Variants in KCNT2 observed in about 807,000 individuals in gnomAD.
KCNT2 encodes the protein potassium sodium-activated channel subfamily T member 2.
A neutral mutation model predicts 153.8 loss-of-function variants in KCNT2; 67 were observed. That is an observed-to-expected ratio of 0.44 (90% CI 0.36 to 0.53). The LOEUF (loss-of-function observed/expected upper bound fraction) is 0.53, where lower values mean the gene tolerates loss of function less well. KCNT2 is among the 20% of genes least tolerant of loss of function. The pLI is 0.00. For missense variants in KCNT2, 975 were observed against 1,354.8 expected (o/e 0.72, Z 4.40); for synonymous variants, 500 against 458.8 (o/e 1.09, Z -1.15).
chr1:196,510,772 G>A (rs1185396399), intron 1 of KCNT2, among the ~76,000 whole-genome samples: 1 of 152,152 alleles, frequency 6.6e-6, no homozygotes, highest in Non-Finnish European at 1.5e-5. Context: ...GCTGCAAATA[G>A]CCACCTTGTG....
chr1:196,439,837 T>C (rs1314401812), intron 8 of KCNT2, among the ~76,000 whole-genome samples: 3 of 151,894 alleles, frequency 2.0e-5, no homozygotes, highest in African/African-American at 7.2e-5. Context: ...TTAAAAGATA[T>C]ATAATAACAC....
chr1:196,496,840 C>A (rs114687113), intron 1 of KCNT2, among the ~76,000 whole-genome samples: 1 of 152,112 alleles, frequency 6.6e-6, no homozygotes, highest in Admixed American at 6.5e-5. Context: ...CTAACTTGCA[C>A]GTTTGGCATA....
chr1:196,601,571 C>T (rs960748584), intron 1 of KCNT2, among the ~76,000 whole-genome samples: 2 of 152,138 alleles, frequency 1.3e-5, no homozygotes, highest in East Asian at 3.8e-4. Flanking sequence ...ACCAATATAT[C>T]CACAACTGTC....
rs546935692 is a variant in KCNT2 at position 196,367,354 on chromosome 1, G to A, written c.1403+5786C>T. ...CAATGACCTTCGTGGTACTTCACAT[G>A]TAAAACTTAGGTGATCTCAGTTATT... On this transcript the variant is annotated intron_variant, in intron 14 of 27. Coordinates refer to ENST00000294725, the MANE Select transcript of KCNT2 (RefSeq NM_198503.5). Among the ~76,000 whole-genome samples, 43 of 152,150 alleles carry A rather than the reference G, an allele frequency of 2.8e-4. 1 individual carries two copies. The highest frequency in any genetic ancestry group is 6.8e-3 in the Middle Eastern group (2 of 294).
chr1:196,318,202 C>T (rs1257165504), intron 20 of KCNT2, among the ~76,000 whole-genome samples: 6 of 151,656 alleles, frequency 4.0e-5, no homozygotes, highest in African/African-American at 1.4e-4. Flanking sequence ...CTCTAAGACC[C>T]CTTTTTGCAA....
chr1:196,448,919 C>A (rs1209802637), intron 8 of KCNT2, among the ~76,000 whole-genome samples: 1 of 151,560 alleles, frequency 6.6e-6, no homozygotes, highest in Non-Finnish European at 1.5e-5. Context: ...AATATTTCCC[C>A]TAAATTGTGG....
In KCNT2 at chr1:196,280,867, G is replaced by A. The variant is rs757556466; in HGVS notation, c.2903C>T (p.Thr968Ile). Residue 968 changes from threonine to isoleucine, a missense_variant, in exon 25 of 28, where the codon ACA (threonine) becomes ATA (isoleucine). Coordinates refer to ENST00000294725, the MANE Select transcript of KCNT2 (RefSeq NM_198503.5). ...ATTTTGTTATTTCCAAACCTCAGAT[G>A]TAGTAAGTTTCTGAGACTCAGTCCT... Reference protein sequence around the residue: ...IYRTESQKLTTSESQISISVE... With the variant: ...IYRTESQKLTISESQISISVE... 3 of 1,611,368 alleles carry A rather than the reference G, an allele frequency of 1.9e-6. No homozygotes were observed. The highest frequency in any genetic ancestry group is 1.3e-5 in the African/African-American group (1 of 74,980).
intron 1 of KCNT2, among the ~76,000 whole-genome samples, chr1:196,508,405 C>T (rs1347436659): frequency 5.3e-5 from 8 of 151,812 alleles, no homozygotes; most frequent in Admixed American, 4.6e-4. Flanking sequence ...AAATTTCTGC[C>T]CTAGGAAGAT....
chr1:196,580,281 T>C (rs1186023027), intron 1 of KCNT2, among the ~76,000 whole-genome samples: 1 of 152,118 alleles, frequency 6.6e-6, no homozygotes. Context: ...AAAAAAGTGA[T>C]AAACAATCCC....
Position 196,608,433 on chromosome 1 carries a change from A to G in KCNT2, c.-124T>C. 1.8e-6 allele frequency: 1 copy of G among 548,440 alleles called. No homozygotes were observed. Among genetic ancestry groups the G allele is most frequent in the Non-Finnish European group, 3.4e-6 (1 of 295,756 alleles). 34.0% of individuals were successfully genotyped at this position (548,440 alleles called of 1,614,324 possible). ...CTGTGGCCGAGAGAGGGATGGGAGA[A>G]GGGGAAGGGGACAGGGAGGGGGAGG... On this transcript the variant is annotated 5_prime_UTR_variant, in exon 1 of 28. Coordinates refer to ENST00000294725, the MANE Select transcript of KCNT2 (RefSeq NM_198503.5).
intron 14 of KCNT2, among the ~76,000 whole-genome samples, chr1:196,359,580 A>T (rs1667454293): frequency 6.6e-6 from 1 of 152,028 alleles, no homozygotes; most frequent in Admixed American, 6.6e-5. Flanking sequence ...GAAGGTTTAA[A>T]GATAAGCAAG....
chr1:196,475,106 A>G (rs566249703), intron 5 of KCNT2, among the ~76,000 whole-genome samples: 6 of 152,332 alleles, frequency 3.9e-5, no homozygotes, highest in African/African-American at 1.4e-4. Context: ...GCTGTATTAA[A>G]TGTATTTTTA....
At chr1:196,549,069 G>T (rs1385160799) in intron 1 of KCNT2, among the ~76,000 whole-genome samples, 2 of 152,042 alleles carry the variant, frequency 1.3e-5, no homozygotes, top group Non-Finnish European at 2.9e-5. Flanking sequence ...ACGAGTTAGT[G>T]GGTGCAGCGC....
intron 14 of KCNT2, among the ~76,000 whole-genome samples, chr1:196,358,144 C>A (rs1324564864): frequency 6.6e-6 from 1 of 151,642 alleles, no homozygotes; most frequent in African/African-American, 2.4e-5. Context: ...CTGGATTGAT[C>A]TCCTGTGCTT....
At chr1:196,234,304 A>G (rs1020518526) in intron 27 of KCNT2, among the ~76,000 whole-genome samples, 2 of 151,180 alleles carry the variant, frequency 1.3e-5, no homozygotes, top group Non-Finnish European at 3.0e-5. Flanking sequence ...TCCTGCCTGG[A>G]AAATTGTCTC....
intron 1 of KCNT2, among the ~76,000 whole-genome samples, chr1:196,503,103 C>T (rs1043888342): frequency 6.6e-6 from 1 of 151,650 alleles, no homozygotes; most frequent in Non-Finnish European, 1.5e-5. Flanking sequence ...AGAATTTAGG[C>T]CTGTAATAAA....
intron 25 of KCNT2, among the ~76,000 whole-genome samples, chr1:196,277,909 T>C (rs1422580914): frequency 3.9e-5 from 6 of 152,194 alleles, no homozygotes; most frequent in East Asian, 1.9e-4. Context: ...ATTGGGTTAA[T>C]ATTTAATTGA....
intron 1 of KCNT2, among the ~76,000 whole-genome samples, chr1:196,606,061 TTGTC>T (rs760933921): frequency 2.6e-5 from 4 of 152,194 alleles, no homozygotes; most frequent in African/African-American, 7.2e-5. Context: ...TATTCAGAGT[TTGTC>T]TGAGGATTAA....
chr1:196,568,217 T>C (rs953574723), intron 1 of KCNT2, among the ~76,000 whole-genome samples: 2 of 152,094 alleles, frequency 1.3e-5, no homozygotes, highest in Non-Finnish European at 2.9e-5. Context: ...CCCCAGATCA[T>C]CAGGCATCAG....
Sources: allele counts gnomAD v4.1 joint callset (sites outside exome capture counted in the v4.1 genomes callset), GRCh38; gene constraint gnomAD v4.1.1; transcripts MANE v1.5; gene names NCBI Gene and HGNC (gene_info 2026-07-23, HGNC 2026-07-21).